NLGN1: variants seen among roughly 807,000 people sequenced by gnomAD.
NLGN1 encodes neuroligin-1.
A neutral mutation model predicts 65.5 loss-of-function variants in NLGN1; 12 were observed. The ratio of observed to expected loss-of-function variants is 0.18; its 90% CI spans 0.12 to 0.30. The LOEUF (loss-of-function observed/expected upper bound fraction) is 0.30, where lower values mean the gene tolerates loss of function less well. NLGN1 is among the 10% of genes least tolerant of loss of function. The pLI, the probability that NLGN1 is intolerant of heterozygous loss-of-function variation, is 1.00. For missense variants in NLGN1, 750 were observed against 1,007.1 expected, an observed-to-expected ratio of 0.74 and a Z score of 3.46; for synonymous variants, 350 against 359.5, an observed-to-expected ratio of 0.97 and a Z score of 0.30.
At chr3:174,205,689 T>C (rs1470601092) in intron 4 of NLGN1, among the ~76,000 whole-genome samples, 1 of 152,220 alleles carries the variant, frequency 6.6e-6, no homozygotes, top group Non-Finnish European at 1.5e-5. Context: ...TTCTGTGTTT[T>C]TGTATCTGAA....
chr3:173,921,320 A>G (rs1396886732), intron 4 of NLGN1, among the ~76,000 whole-genome samples: 9 of 148,134 alleles, frequency 6.1e-5, no homozygotes, highest in Non-Finnish European at 8.9e-5. Context: ...TATATTATAT[A>G]TAGTGGAAAA....
intron 4 of NLGN1, among the ~76,000 whole-genome samples, chr3:173,828,688 A>G (rs1476992208): frequency 6.6e-6 from 1 of 152,178 alleles, no homozygotes; most frequent in African/African-American, 2.4e-5. Context: ...AAATTATAGT[A>G]GGGTAGCCAG....
chr3:173,608,439 A>G (rs541611113), intron 3 of NLGN1, among the ~76,000 whole-genome samples: 31 of 151,938 alleles, frequency 2.0e-4, no homozygotes, highest in Non-Finnish European at 3.7e-4. Flanking sequence ...GTTGTGGAGA[A>G]CAGACACCTG....
intron 2 of NLGN1, among the ~76,000 whole-genome samples, chr3:173,495,464 A>T (rs1382570850): frequency 6.6e-6 from 1 of 151,676 alleles, no homozygotes; most frequent in African/African-American, 2.4e-5. Context: ...TAATGTTTAT[A>T]CATTTTATTT....
At chr3:174,132,826 A>G (rs1358926219) in intron 4 of NLGN1, among the ~76,000 whole-genome samples, 5 of 152,228 alleles carry the variant, frequency 3.3e-5, no homozygotes, top group African/African-American at 9.6e-5. Context: ...CATAAAGGGC[A>G]TCCGAATTAA....
intron 1 of NLGN1, among the ~76,000 whole-genome samples, chr3:173,418,369 TA>T (rs1418121732): frequency 6.6e-6 from 1 of 152,024 alleles, no homozygotes; most frequent in Non-Finnish European, 1.5e-5. Context: ...TAGGATAAAT[TA>T]TTGATCATGA....
chr3:173,535,432 T>C (rs1416923501), intron 2 of NLGN1, among the ~76,000 whole-genome samples: 1 of 152,244 alleles, frequency 6.6e-6, no homozygotes, highest in Non-Finnish European at 1.5e-5. Context: ...CAGAACTCAC[T>C]TATTAAGTAG....
chr3:174,038,689 C>T (rs1270873745), intron 4 of NLGN1, among the ~76,000 whole-genome samples: 1 of 152,092 alleles, frequency 6.6e-6, no homozygotes, highest in East Asian at 1.9e-4. Context: ...ACCTTCCTTC[C>T]AAATAGGTAA....
At chr3:173,577,257 G>A (rs928571009) in intron 2 of NLGN1, among the ~76,000 whole-genome samples, 1 of 152,122 alleles carries the variant, frequency 6.6e-6, no homozygotes, top group Admixed American at 6.5e-5. Flanking sequence ...TTACACATAA[G>A]CCAAGAATTA....
intron 4 of NLGN1, among the ~76,000 whole-genome samples, chr3:174,143,523 G>A (rs1489677638): frequency 6.6e-6 from 1 of 152,146 alleles, no homozygotes; most frequent in Non-Finnish European, 1.5e-5. Context: ...AGCCTGAGCA[G>A]CAGTTTTTGT....
intron 3 of NLGN1, among the ~76,000 whole-genome samples, chr3:173,752,977 C>G (rs1293189216): frequency 6.6e-6 from 1 of 152,126 alleles, no homozygotes; most frequent in Non-Finnish European, 1.5e-5. Context: ...AGGCCAAACC[C>G]TTGACTTGTA....
intron 2 of NLGN1, among the ~76,000 whole-genome samples, chr3:173,595,597 A>ATTTTTGGGTATCTT (rs980667763): frequency 2.6e-5 from 4 of 152,028 alleles, no homozygotes; most frequent in African/African-American, 9.7e-5. Context: ...TTGCTTCCAC[A>ATTTTTGGGTATCTT]TTTTTGGGTA....
At chr3:173,437,639 T>C (rs951277900) in intron 2 of NLGN1, among the ~76,000 whole-genome samples, 6 of 152,302 alleles carry the variant, frequency 3.9e-5, no homozygotes, top group East Asian at 1.9e-4. Flanking sequence ...ACTACCAACT[T>C]TTGATTTTCT....
chr3:174,214,071 T>G (rs907770252), intron 4 of NLGN1, among the ~76,000 whole-genome samples: 1 of 152,158 alleles, frequency 6.6e-6, no homozygotes, highest in Non-Finnish European at 1.5e-5. Context: ...AAGGGGTTTT[T>G]TTGATGTTAC....
intron 4 of NLGN1, among the ~76,000 whole-genome samples, chr3:174,168,442 C>T (rs1727935559): frequency 6.6e-6 from 1 of 151,890 alleles, no homozygotes; most frequent in Non-Finnish European, 1.5e-5. Context: ...CTATTTTCCC[C>T]CTCCCTAGGA....
intron 2 of NLGN1, among the ~76,000 whole-genome samples, chr3:173,572,290 G>A (rs1577335171): frequency 6.6e-6 from 1 of 152,206 alleles, no homozygotes; most frequent in East Asian, 1.9e-4. Flanking sequence ...AGGGATCCAA[G>A]GGATTCTAAT....
intron 4 of NLGN1, among the ~76,000 whole-genome samples, chr3:174,000,203 C>T (rs1015159079): frequency 1.3e-5 from 2 of 152,058 alleles, no homozygotes; most frequent in African/African-American, 4.8e-5. Context: ...TTCCAGGTTC[C>T]ATTTTTTTAG....
intron 4 of NLGN1, among the ~76,000 whole-genome samples, chr3:173,808,762 A>G (rs1717230095): frequency 6.6e-6 from 1 of 152,152 alleles, no homozygotes; most frequent in African/African-American, 2.4e-5. Flanking sequence ...GTAAATTATA[A>G]TTTTGTTTAT....
intron 3 of NLGN1, among the ~76,000 whole-genome samples, chr3:173,746,672 A>G (rs1775435383): frequency 6.6e-6 from 1 of 152,080 alleles, no homozygotes; most frequent in South Asian, 2.1e-4. Context: ...ATAAAAATAT[A>G]GTTATTTATG....
Sources: allele counts gnomAD v4.1 joint callset (sites outside exome capture counted in the v4.1 genomes callset), GRCh38; gene constraint gnomAD v4.1.1; transcripts MANE v1.5; gene names NCBI Gene and HGNC (gene_info 2026-07-23, HGNC 2026-07-21).